ZBTB20: variants seen among roughly 807,000 people sequenced by gnomAD.
ZBTB20 encodes the protein zinc finger and BTB domain-containing protein 20.
Under a neutral mutation model 56.9 loss-of-function variants are expected in ZBTB20, and 9 were observed. The observed-to-expected ratio is 0.16, with a 90% CI of 0.10 to 0.28. ZBTB20 has a LOEUF of 0.28. ZBTB20 is among the 10% of genes least tolerant of loss of function. The probability of loss-of-function intolerance (pLI) is 1.00; values close to 1 mark genes in which losing one functional copy is unlikely to be tolerated. For synonymous variants in ZBTB20, 417 were observed against 420.7 expected, an observed-to-expected ratio of 0.99 and a Z score of 0.11; for missense variants, 655 against 1,003.0, an observed-to-expected ratio of 0.65 and a Z score of 4.69.
chr3:114,985,622 C>T (rs1349459610), intron 2 of ZBTB20, among the ~76,000 whole-genome samples: 1 of 152,036 alleles, frequency 6.6e-6, no homozygotes. Context: ...TACAACGACA[C>T]ATACCCAATT....
chr3:114,488,181 C>A (rs2042346653), intron 7 of ZBTB20, among the ~76,000 whole-genome samples: 1 of 152,290 alleles, frequency 6.6e-6, no homozygotes, highest in Non-Finnish European at 1.5e-5. Context: ...CCACAACACT[C>A]CCCTGAAGGG....
rs542090869 is a variant in ZBTB20, at chr3:114,320,753, T to C, written c.*18252A>G. ...CATTAACAGGTTGGTACTGCATCCA[T>C]GTGGGGACAATAGAAAAAAAGTACT... On this transcript the variant is annotated 3_prime_UTR_variant, in exon 12 of 12. Transcript: ENST00000675478. 3.3e-5 allele frequency: 5 copies of C among 152,256 alleles called. No homozygotes were observed. The East Asian group carries it at 9.6e-4, about 29-fold the overall frequency. 9.4% of individuals were successfully genotyped at this position (152,256 alleles called of 1,614,324 possible). A position where few individuals can be genotyped will look rare whatever the true frequency, so the allele number is the denominator to read the frequency against.
intron 4 of ZBTB20, among the ~76,000 whole-genome samples, chr3:114,853,457 C>T (rs974754117): frequency 6.6e-5 from 10 of 152,168 alleles, no homozygotes; most frequent in African/African-American, 1.9e-4. Flanking sequence ...GCAACATATG[C>T]GACAGTGTTG....
At chr3:115,048,647 G>C (rs1008864743) in intron 2 of ZBTB20, among the ~76,000 whole-genome samples, 1 of 151,982 alleles carries the variant, frequency 6.6e-6, no homozygotes, top group Non-Finnish European at 1.5e-5. Context: ...ATTCACAATC[G>C]CTACTCTCAC....
chr3:114,455,342 T>C (rs953000750), intron 7 of ZBTB20, among the ~76,000 whole-genome samples: 1 of 152,168 alleles, frequency 6.6e-6, no homozygotes, highest in Non-Finnish European at 1.5e-5. Flanking sequence ...TAAGCAATAC[T>C]GCTCGTACTG....
chr3:114,723,533 C>T (rs1170095115), intron 5 of ZBTB20, among the ~76,000 whole-genome samples: 1 of 152,170 alleles, frequency 6.6e-6, no homozygotes, highest in Non-Finnish European at 1.5e-5. Context: ...CACTGATTCT[C>T]AATCCTGGGT....
intron 6 of ZBTB20, among the ~76,000 whole-genome samples, chr3:114,549,231 T>C (rs1174611172): frequency 1.3e-5 from 2 of 152,206 alleles, no homozygotes; most frequent in East Asian, 3.8e-4. Context: ...TAACTTTAAA[T>C]GAGTTCTTTT....
At position 114,353,453 on chromosome 3, in the gene ZBTB20, T is replaced by C. The variant is rs565010416; in HGVS notation, c.200-1575A>G. On this transcript the variant is annotated intron_variant, in intron 10 of 11. Coordinates refer to ENST00000675478, the MANE Select transcript of ZBTB20 (RefSeq NM_001348800.3). ...CAATAATACAATTTGCACTAATTTG[T>C]ATAAGAGCATTCTTTCTCGTTCTGA... is the stretch of plus-strand genomic sequence containing the variant. Among the ~76,000 whole-genome samples the C allele has an allele frequency of 3.3e-5, 5 of 152,386 alleles. No individual in the cohort carries two copies. The East Asian group carries it at 7.7e-4, about 23-fold the overall frequency.
intron 2 of ZBTB20, among the ~76,000 whole-genome samples, chr3:115,055,186 A>AAT (rs1419464089): frequency 1.1e-4 from 2 of 18,170 alleles, no homozygotes; most frequent in African/African-American, 3.2e-4. Flanking sequence ...CCCTCCTGGT[A>AAT]ATCTCTCTCT....
At chr3:114,527,395 G>A (rs556925666) in intron 6 of ZBTB20, 1 of 152,312 alleles carries the variant, frequency 6.6e-6, no homozygotes, top group Admixed American at 6.5e-5. Flanking sequence ...AGGGCTGAAG[G>A]GGGCAGGAAG....
chr3:115,076,703 C>T (rs1272264394), intron 1 of ZBTB20, among the ~76,000 whole-genome samples: 1 of 152,160 alleles, frequency 6.6e-6, no homozygotes, highest in East Asian at 1.9e-4. Context: ...TAAGACTATA[C>T]ATCTTGACTG....
At chr3:114,651,357 C>G (rs2107999343) in intron 6 of ZBTB20, among the ~76,000 whole-genome samples, 1 of 152,028 alleles carries the variant, frequency 6.6e-6, no homozygotes, top group African/African-American at 2.4e-5. Flanking sequence ...AAACAGAATT[C>G]TCAATCATAT....
At chr3:114,540,676 A>G (rs1433673435) in intron 6 of ZBTB20, among the ~76,000 whole-genome samples, 2 of 152,118 alleles carry the variant, frequency 1.3e-5, no homozygotes, top group African/African-American at 4.8e-5. Context: ...TCACTTCTCT[A>G]GGTGAGCTTA....
At chr3:114,501,071 G>A (rs570377502) in intron 6 of ZBTB20, among the ~76,000 whole-genome samples, 15 of 152,270 alleles carry the variant, frequency 9.9e-5, no homozygotes, top group African/African-American at 3.6e-4. Flanking sequence ...ACATTCGTGT[G>A]TAGCTAAGAA....
chr3:114,900,229 T>C (rs1244763591), intron 4 of ZBTB20, 75 bp downstream of exon 4: 1 of 152,136 alleles, frequency 6.6e-6, no homozygotes, highest in Non-Finnish European at 1.5e-5. Flanking sequence ...TATAAGCAAT[T>C]TTAATACATA....
chr3:114,381,261 G>A (rs540681154), intron 8 of ZBTB20, among the ~76,000 whole-genome samples: 12 of 152,226 alleles, frequency 7.9e-5, no homozygotes, highest in East Asian at 7.7e-4. Context: ...TTGGTGCATC[G>A]TCCTGGAGTT....
At chr3:115,116,606 G>A (rs1560584832) in intron 1 of ZBTB20, among the ~76,000 whole-genome samples, 1 of 151,944 alleles carries the variant, frequency 6.6e-6, no homozygotes, top group Admixed American at 6.6e-5. Context: ...AAAGTGCAAG[G>A]CTCTAGTCAA....
intron 6 of ZBTB20, among the ~76,000 whole-genome samples, chr3:114,518,197 T>C (rs2046243243): frequency 6.6e-6 from 1 of 152,076 alleles, no homozygotes; most frequent in South Asian, 2.1e-4. Context: ...TTCGGTTTCT[T>C]CTTCCTCATC....
At chr3:114,886,915 G>A (rs964511448) in intron 4 of ZBTB20, among the ~76,000 whole-genome samples, 2 of 152,184 alleles carry the variant, frequency 1.3e-5, no homozygotes, top group African/African-American at 2.4e-5. Flanking sequence ...CGGAATACTT[G>A]TAACTCAGCA....
Sources: allele counts gnomAD v4.1 joint callset (sites outside exome capture counted in the v4.1 genomes callset), GRCh38; gene constraint gnomAD v4.1.1; transcripts MANE v1.5; gene names NCBI Gene and HGNC (gene_info 2026-07-23, HGNC 2026-07-21).